ARHGEF3: variants seen among roughly 807,000 people sequenced by gnomAD.
ARHGEF3 encodes the protein 59.8 kDA protein.
In ARHGEF3, 28 loss-of-function variants were observed where a neutral mutation model predicts 63.2. The observed-to-expected ratio is 0.44, with a 90% CI of 0.33 to 0.61. The LOEUF (loss-of-function observed/expected upper bound fraction) is 0.61, where lower values mean the gene tolerates loss of function less well. Ranked by LOEUF, ARHGEF3 falls within the 20% of genes least tolerant of loss-of-function variation. ARHGEF3 has a pLI of 0.03. For missense variants in ARHGEF3, 533 were observed against 659.3 expected, an observed-to-expected ratio of 0.81 and a Z score of 2.10; for synonymous variants, 266 against 254.2, an observed-to-expected ratio of 1.05 and a Z score of -0.44.
chr3:57,067,000 G>T (rs1015802719), intron 1 of ARHGEF3, among the ~76,000 whole-genome samples: 22 of 152,094 alleles, frequency 1.4e-4, no homozygotes, highest in African/African-American at 5.3e-4. Context: ...CATCCTGTTG[G>T]TTCTGTTTCT....
At chr3:56,932,916 C>T (rs1374935253) in intron 3 of ARHGEF3, among the ~76,000 whole-genome samples, 1 of 152,130 alleles carries the variant, frequency 6.6e-6, no homozygotes, top group Non-Finnish European at 1.5e-5. Flanking sequence ...TTCTTTTATC[C>T]TTCCAAACAA....
At chr3:56,982,784 G>A (rs1401705005) in intron 2 of ARHGEF3, among the ~76,000 whole-genome samples, 1 of 152,074 alleles carries the variant, frequency 6.6e-6, no homozygotes, top group Non-Finnish European at 1.5e-5. Flanking sequence ...CAGCAGCCCT[G>A]GGACCTGGCC....
intron 4 of ARHGEF3, among the ~76,000 whole-genome samples, chr3:56,815,855 G>A (rs2038250415): frequency 6.6e-6 from 1 of 152,156 alleles, no homozygotes; most frequent in Admixed American, 6.5e-5. Flanking sequence ...CTTCCCTTCT[G>A]CCCTTCAAGG....
intron 1 of ARHGEF3, among the ~76,000 whole-genome samples, chr3:57,057,262 C>A (rs1429872746): frequency 6.6e-6 from 1 of 152,060 alleles, no homozygotes; most frequent in African/African-American, 2.4e-5. Context: ...CAGGTGCGTG[C>A]CACCACACTT....
intron 2 of ARHGEF3, among the ~76,000 whole-genome samples, chr3:56,758,826 C>T (rs754106798): frequency 6.6e-6 from 1 of 152,204 alleles, no homozygotes; most frequent in Non-Finnish European, 1.5e-5. Context: ...CATTAAGTAA[C>T]TTGCTCAACC....
intron 1 of ARHGEF3, among the ~76,000 whole-genome samples, chr3:57,067,766 G>T (rs1282247519): frequency 6.6e-6 from 1 of 151,164 alleles, no homozygotes; most frequent in South Asian, 2.1e-4. Context: ...CGGATCATGA[G>T]GTCAGGAGAT....
In ARHGEF3 at chr3:57,037,579, A is replaced by G. The variant is rs114880265; in HGVS notation, c.-27-2403T>C. ...ATATTCTGTAGACAGGCACCAATAAACCATCACCCTTTAGGCTGGGCGCAG... is the reference window on the plus strand; with the variant it reads ...ATATTCTGTAGACAGGCACCAATAAGCCATCACCCTTTAGGCTGGGCGCAG... On this transcript the variant is annotated intron_variant, in intron 1 of 12. Transcript: ENST00000338458. 5.7e-3 allele frequency among the ~76,000 whole-genome samples: 869 copies of G among 152,336 alleles called. 14 individuals carry two copies. Among genetic ancestry groups the G allele is most frequent in the African/African-American group, 0.02 (834 of 41,578 alleles).
At chr3:57,054,675 C>T (rs368125904) in intron 1 of ARHGEF3, among the ~76,000 whole-genome samples, 7 of 142,020 alleles carry the variant, frequency 4.9e-5, no homozygotes, top group East Asian at 2.2e-4. Flanking sequence ...GATGGAGTCT[C>T]ACTCTGTCAC....
intron 4 of ARHGEF3, among the ~76,000 whole-genome samples, chr3:56,828,748 G>T: frequency 6.6e-6 from 1 of 152,120 alleles, no homozygotes; most frequent in East Asian, 1.9e-4. Flanking sequence ...GTGGGAGCCT[G>T]TTTCTCAGTG....
intron 2 of ARHGEF3, among the ~76,000 whole-genome samples, chr3:57,018,699 C>A (rs111817575): frequency 3.3e-5 from 5 of 152,330 alleles, no homozygotes; most frequent in African/African-American, 1.2e-4. Context: ...ACCTTCCCCA[C>A]ACCAAAAAAG....
intron 2 of ARHGEF3, among the ~76,000 whole-genome samples, chr3:56,771,021 G>T (rs1037649564): frequency 6.6e-6 from 1 of 151,748 alleles, no homozygotes; most frequent in Non-Finnish European, 1.5e-5. Flanking sequence ...GCTGAGGCAG[G>T]AGAATCGCTT....
At chr3:56,931,342 G>T (rs143171455) in intron 3 of ARHGEF3, among the ~76,000 whole-genome samples, 151 of 152,112 alleles carry the variant, frequency 9.9e-4, no homozygotes, top group African/African-American at 3.6e-3. Context: ...TTGGGAGGCC[G>T]AGACAGGCAG....
chr3:57,024,571 G>A (rs1298369168), intron 2 of ARHGEF3, among the ~76,000 whole-genome samples: 1 of 151,944 alleles, frequency 6.6e-6, no homozygotes, highest in Non-Finnish European at 1.5e-5. Flanking sequence ...CACTGCAAGC[G>A]CTGCCTCCCG....
chr3:56,813,646 G>A (rs1263742290), intron 4 of ARHGEF3, among the ~76,000 whole-genome samples: 1 of 152,186 alleles, frequency 6.6e-6, no homozygotes, highest in Non-Finnish European at 1.5e-5. Context: ...GATGCTGGCA[G>A]AGCTCAAAAA....
At chr3:56,900,196 T>A (rs151241979) in intron 3 of ARHGEF3, among the ~76,000 whole-genome samples, 1 of 152,334 alleles carries the variant, frequency 6.6e-6, no homozygotes, top group African/African-American at 2.4e-5. Flanking sequence ...GACCAAGTGA[T>A]GCCCACTTTT....
At chr3:57,014,684 CTTTT>C (rs34987425) in intron 2 of ARHGEF3, among the ~76,000 whole-genome samples, 3 of 146,628 alleles carry the variant, frequency 2.0e-5, no homozygotes, top group Non-Finnish European at 3.0e-5. Context: ...AGCTTGTTAA[CTTTT>C]TTTTTTTTTT....
chr3:56,867,179 C>A (rs558410936), intron 4 of ARHGEF3, among the ~76,000 whole-genome samples: 3 of 152,170 alleles, frequency 2.0e-5, no homozygotes, highest in Admixed American at 6.5e-5. Flanking sequence ...AAATCCAGTT[C>A]ATGTTTACAG....
chr3:56,983,796 C>T (rs556155769), intron 2 of ARHGEF3, among the ~76,000 whole-genome samples: 5 of 152,214 alleles, frequency 3.3e-5, no homozygotes, highest in Non-Finnish European at 7.4e-5. Context: ...TTTAGCCAGG[C>T]GTGGTGGTGC....
intron 1 of ARHGEF3, among the ~76,000 whole-genome samples, chr3:57,063,405 C>A (rs1705341973): frequency 6.6e-6 from 1 of 152,078 alleles, no homozygotes; most frequent in African/African-American, 2.4e-5. Context: ...TGAGAACAAG[C>A]TGAAAGGAGG....
Sources: gnomAD v4.1 joint callset for allele counts (sites outside exome capture counted in the v4.1 genomes callset) on GRCh38, gnomAD v4.1.1 for gene constraint, MANE v1.5 for transcripts, NCBI Gene and HGNC (gene_info 2026-07-23, HGNC 2026-07-21) for gene names.